Variants in CPLX2 observed in about 807,000 individuals in gnomAD.
CPLX2 encodes complexin 2.
Under a neutral mutation model 16.3 loss-of-function variants are expected in CPLX2, and 5 were observed. The ratio of observed to expected loss-of-function variants is 0.31; its 90% confidence interval spans 0.16 to 0.64. CPLX2 has a LOEUF of 0.64. CPLX2 is among the 30% of genes least tolerant of loss of function. The pLI, the probability that CPLX2 is intolerant of heterozygous loss-of-function variation, is 0.79. For synonymous variants in CPLX2, 89 were observed against 73.2 expected (o/e 1.22, Z -1.10); for missense variants, 144 against 181.4 (o/e 0.79, Z 1.18).
intron 2 of CPLX2, among the ~76,000 whole-genome samples, chr5:175,817,079 C>G (rs1208622070): frequency 6.6e-6 from 1 of 152,220 alleles, no homozygotes; most frequent in Admixed American, 6.5e-5. Context: ...ACAGCCTTGG[C>G]CAGACCATGG....
intron 1 of CPLX2, among the ~76,000 whole-genome samples, chr5:175,801,954 A>C (rs1002781906): frequency 2.0e-5 from 3 of 152,308 alleles, no homozygotes; most frequent in African/African-American, 7.2e-5. Context: ...AGGGAAGGGA[A>C]CTAACCCACA....
upstream of CPLX2, among the ~76,000 whole-genome samples, chr5:175,868,754 T>C (rs1449793062): frequency 6.6e-6 from 1 of 150,846 alleles, no homozygotes; most frequent in Non-Finnish European, 1.5e-5. Context: ...TAAATGCCAA[T>C]GTAAAAAAAA....
chr5:175,844,001 T>C (rs993523620), intron 2 of CPLX2, among the ~76,000 whole-genome samples: 6 of 152,218 alleles, frequency 3.9e-5, no homozygotes, highest in African/African-American at 1.4e-4. Flanking sequence ...GTGGGGCAGA[T>C]TTGAGGGCAG....
chr5:175,831,699 AC>A (rs1466369263), intron 2 of CPLX2, among the ~76,000 whole-genome samples: 4 of 152,176 alleles, frequency 2.6e-5, no homozygotes, highest in Admixed American at 2.0e-4. Flanking sequence ...CCCTCAAGAT[AC>A]CCACAGCTCA....
At chr5:175,879,825 G>T (rs577317216) in intron 3 of CPLX2, 23 bp from the exon 4 acceptor site, 4 of 1,599,524 alleles carry the variant, frequency 2.5e-6, no homozygotes, top group Non-Finnish European at 3.4e-6. Context: ...CTTCATGCGC[G>T]TCTCTGCCCT....
At chr5:175,832,621 G>A (rs540022077) in intron 2 of CPLX2, among the ~76,000 whole-genome samples, 42 of 152,316 alleles carry the variant, frequency 2.8e-4, no homozygotes, top group Admixed American at 4.6e-4. Flanking sequence ...GTCTGCCAAA[G>A]AAAGTAGAAT....
At chr5:175,869,713 G>T (rs1759547605), upstream of CPLX2, among the ~76,000 whole-genome samples, 1 of 152,092 alleles carries the variant, frequency 6.6e-6, no homozygotes, top group African/African-American at 2.4e-5. Flanking sequence ...CCTTCAACCT[G>T]CCCTCATTTG....
chr5:175,836,250 T>C (rs7446213), intron 2 of CPLX2, among the ~76,000 whole-genome samples: 54,287 of 151,840 alleles, frequency 0.36, 9,749 homozygotes, highest in South Asian at 0.41. Flanking sequence ...CTTGGGAGGC[T>C]GAGGCAGGAG....
At chr5:175,806,951 T>C (rs1758217718) in intron 1 of CPLX2, among the ~76,000 whole-genome samples, 2 of 152,324 alleles carry the variant, frequency 1.3e-5, no homozygotes, top group Admixed American at 6.5e-5. Flanking sequence ...GGTTATGACA[T>C]TGGCCTTGCC....
rs547461476 is a variant in CPLX2 at position 175,813,259 on chromosome 5, A to T, written c.-89+4191A>T. 5.9e-5 allele frequency among the ~76,000 whole-genome samples: 9 copies of T among 152,388 alleles called. No individual in the cohort carries two copies. In the East Asian group the frequency reaches 1.5e-3, roughly 26 times the overall value. ...TAATATGGCATTTCCTCTGAAAATA[A>T]AATTGTGATCTTTTTAAAAAGGCAA... On this transcript the variant is annotated intron_variant, in intron 2 of 4. Coordinates refer to the CPLX2 transcript ENST00000359546.
intron 2 of CPLX2, among the ~76,000 whole-genome samples, chr5:175,846,640 G>A (rs1295722719): frequency 6.6e-6 from 1 of 152,172 alleles, no homozygotes; most frequent in Non-Finnish European, 1.5e-5. Flanking sequence ...AGTTGTCCGA[G>A]CTAGCAGGTG....
chr5:175,813,836 T>A (rs1758357191), intron 2 of CPLX2, among the ~76,000 whole-genome samples: 1 of 152,226 alleles, frequency 6.6e-6, no homozygotes, highest in Admixed American at 6.5e-5. Flanking sequence ...TTAACCAGCT[T>A]GATTTCCTTT....
upstream of CPLX2, among the ~76,000 whole-genome samples, chr5:175,871,263 AG>A (rs1759585360): frequency 7.1e-6 from 1 of 140,204 alleles, no homozygotes; most frequent in South Asian, 2.4e-4. Flanking sequence ...GGCGTCTGCG[AG>A]GGGGAGGAGA....
At chr5:175,850,867 G>A (rs1172366431) in intron 2 of CPLX2, among the ~76,000 whole-genome samples, 2 of 152,082 alleles carry the variant, frequency 1.3e-5, no homozygotes, top group Non-Finnish European at 2.9e-5. Flanking sequence ...GGCTGAGGGA[G>A]CCAGGCTGAG....
intron 1 of CPLX2, among the ~76,000 whole-genome samples, chr5:175,876,540 A>G (rs1334074883): frequency 1.3e-5 from 2 of 152,176 alleles, no homozygotes; most frequent in East Asian, 3.8e-4. Context: ...GTTTGAGGGT[A>G]CAGTGGGGTT....
Position 175,878,704 on chromosome 5 carries a change from G to T in CPLX2, c.-36G>T, listed in dbSNP as rs1265154967. On this transcript the variant is annotated 5_prime_UTR_variant, in exon 2 of 4. Transcript: ENST00000393745. Reference sequence around the variant, plus strand: ...GCCAGGAGCGCTGCATGCAAATTCTGCCGTGGGCTAAGGCACGCTAACCAG... The same window carrying T: ...GCCAGGAGCGCTGCATGCAAATTCTTCCGTGGGCTAAGGCACGCTAACCAG... 6.2e-7 allele frequency: 1 copy of T among 1,610,504 alleles called. No individual in the cohort carries two copies. Among genetic ancestry groups the T allele is most frequent in the Non-Finnish European group, 8.5e-7 (1 of 1,178,862 alleles).
chr5:175,865,404 C>T (rs1360938093), intron 2 of CPLX2, among the ~76,000 whole-genome samples: 1 of 152,126 alleles, frequency 6.6e-6, no homozygotes, highest in Non-Finnish European at 1.5e-5. Context: ...ATGGAAAGAA[C>T]ATCTATCTTC....
At chr5:175,871,427 G>GAC (rs1561790288), upstream of CPLX2, 486 of 108,190 alleles carry the variant, frequency 4.5e-3, 17 homozygotes, top group African/African-American at 0.015. Flanking sequence ...GAGAGAGAGA[G>GAC]AGAGACAGAG....
chr5:175,799,827 A>C (rs1288473068), intron 1 of CPLX2, among the ~76,000 whole-genome samples: 1 of 151,178 alleles, frequency 6.6e-6, no homozygotes, highest in Non-Finnish European at 1.5e-5. Context: ...GAACCATCCC[A>C]CCCAGCCCCT....
Sources: allele counts gnomAD v4.1 joint callset (sites outside exome capture counted in the v4.1 genomes callset), GRCh38; gene constraint gnomAD v4.1.1; transcripts MANE v1.5; gene names NCBI Gene and HGNC (gene_info 2026-07-23, HGNC 2026-07-21).